PDK3: variants seen among roughly 807,000 people sequenced by gnomAD.
The protein encoded by PDK3 is pyruvate dehydrogenase kinase 3.
A neutral mutation model predicts 32.0 loss-of-function variants in PDK3; 12 were observed. The observed-to-expected ratio is 0.37, with a 90% CI of 0.24 to 0.61. The LOEUF is 0.61. Among genes scored for constraint, PDK3 ranks in the 20% least tolerant of loss-of-function variants. The probability of loss-of-function intolerance (pLI) is 0.65; values close to 1 mark genes in which losing one functional copy is unlikely to be tolerated. For synonymous variants in PDK3, 122 were observed against 116.3 expected, an observed-to-expected ratio of 1.05 and a Z score of -0.31; for missense variants, 188 against 316.9, an observed-to-expected ratio of 0.59 and a Z score of 3.09.
chrX:24,496,256 A>G (rs887396710), intron 2 of PDK3, among the ~76,000 whole-genome samples: 41 of 106,453 alleles, frequency 3.9e-4, no homozygotes, highest in Non-Finnish European at 6.8e-4. Flanking sequence ...ACGTTCTACC[A>G]TTGTCATTCA....
chrX:24,500,894 T>A (rs989325154), intron 3 of PDK3, among the ~76,000 whole-genome samples: 21 of 111,785 alleles, frequency 1.9e-4, no homozygotes, highest in African/African-American at 6.2e-4. Flanking sequence ...TCAGATAAGT[T>A]GAGGCACTTC....
intron 1 of PDK3, among the ~76,000 whole-genome samples, chrX:24,487,767 A>G (rs1307558707): frequency 9.1e-6 from 1 of 109,951 alleles, no homozygotes; most frequent in Non-Finnish European, 1.9e-5. Flanking sequence ...ACCCCCACCA[A>G]CTGCTAAAGC....
At position 24,465,506 on chromosome X, in the gene PDK3, G is replaced by C. The variant is rs371137355; in HGVS notation, c.51G>C (p.Glu17Asp). ...AGCAGCCGGTGCCCAAGCAGATCGA[G>C]CGCTACTCGCGCTTTTCGCCGTCGC... ...LLKQPVPKQI[E>D]RYSRFSPSPL... The change falls in exon 1 of 11, where the codon GAG becomes GAC. Residue 17 changes from glutamate (E) to aspartate (D), a missense_variant. Transcript: ENST00000379162. 4.5e-4 allele frequency: 544 copies of C among 1,208,786 alleles called. 4 individuals carry two copies. In the South Asian group the frequency reaches 9.1e-3, roughly 20 times the overall value.
chrX:24,547,725 A>G (rs1395530618), exon 12 of PDK3: 2 of 112,812 alleles, frequency 1.8e-5, no homozygotes, highest in Non-Finnish European at 3.7e-5. Flanking sequence ...AAAGCAAAGA[A>G]TTACAATTGT....
At chrX:24,467,916 G>A (rs780368650) in intron 1 of PDK3, among the ~76,000 whole-genome samples, 9 of 111,675 alleles carry the variant, frequency 8.1e-5, no homozygotes, top group African/African-American at 2.9e-4. Flanking sequence ...AGCTCCAAAG[G>A]GGCAGCTGAT....
intron 1 of PDK3, among the ~76,000 whole-genome samples, chrX:24,486,210 C>A (rs999377156): frequency 1.2e-4 from 13 of 111,153 alleles, no homozygotes; most frequent in Non-Finnish European, 2.5e-4. Flanking sequence ...TCATAAAAGG[C>A]CATGCGGCTG....
At chrX:24,527,988 CTA>C in intron 8 of PDK3, 86 bp from the exon 9 acceptor site, 5 of 533,515 alleles carry the variant, frequency 9.4e-6, no homozygotes, top group Non-Finnish European at 1.7e-5. Context: ...GAGTAATCTG[CTA>C]TGTACTTTAT....
chrX:24,508,864 C>T (rs1922050554), intron 5 of PDK3, among the ~76,000 whole-genome samples: 1 of 111,325 alleles, frequency 9.0e-6, no homozygotes, highest in Non-Finnish European at 1.9e-5. Flanking sequence ...AGGCACCCAC[C>T]ATCATGCCCG....
chrX:24,520,334 C>T (rs1044853969), intron 6 of PDK3, among the ~76,000 whole-genome samples: 2 of 111,931 alleles, frequency 1.8e-5, no homozygotes, highest in Non-Finnish European at 3.8e-5. Flanking sequence ...GTGGTACACC[C>T]ATTAGATAGA....
chrX:24,498,370 C>T (rs1921768906), intron 2 of PDK3, among the ~76,000 whole-genome samples: 1 of 111,686 alleles, frequency 9.0e-6, no homozygotes, highest in African/African-American at 3.3e-5. Context: ...GCTTCATTTT[C>T]AGACTGGATT....
intron 9 of PDK3, 85 bp from the exon 10 acceptor site, chrX:24,531,572 A>G: frequency 1.9e-6 from 1 of 525,039 alleles, no homozygotes; most frequent in Non-Finnish European, 3.3e-6. Flanking sequence ...TCAAGAATTT[A>G]TTTTAACCTT....
chrX:24,544,286 A>C (rs1458268134), exon 12 of PDK3, among the ~76,000 whole-genome samples: 2 of 111,032 alleles, frequency 1.8e-5, no homozygotes, highest in African/African-American at 6.6e-5. Flanking sequence ...GCATTTCCCC[A>C]TTCCCACTAG....
At chrX:24,498,354 G>T (rs1385846531) in intron 2 of PDK3, among the ~76,000 whole-genome samples, 2 of 111,669 alleles carry the variant, frequency 1.8e-5, no homozygotes, top group Non-Finnish European at 3.8e-5. Context: ...GCTTTCGATG[G>T]TGCTGGCTTC....
chrX:24,489,458 G>T (rs1921491830), intron 1 of PDK3, among the ~76,000 whole-genome samples: 1 of 110,944 alleles, frequency 9.0e-6, no homozygotes, highest in African/African-American at 3.3e-5. Context: ...GCTGAGGCGG[G>T]CAGGTCACTT....
At chrX:24,543,004 A>G (rs778755556) in exon 12 of PDK3, among the ~76,000 whole-genome samples, 1 of 111,893 alleles carries the variant, frequency 8.9e-6, no homozygotes, top group African/African-American at 3.2e-5. Flanking sequence ...GGTGGTGCTG[A>G]CAGGTCTGAG....
At chrX:24,532,520 G>T (rs2078299295) in intron 10 of PDK3, among the ~76,000 whole-genome samples, 1 of 111,414 alleles carries the variant, frequency 9.0e-6, no homozygotes, top group Non-Finnish European at 1.9e-5. Context: ...TTATTCATTG[G>T]TGATCATTGG....
At chrX:24,520,305 A>G (rs1197367148) in intron 6 of PDK3, among the ~76,000 whole-genome samples, 1 of 112,406 alleles carries the variant, frequency 8.9e-6, no homozygotes, top group Admixed American at 9.4e-5. Context: ...TCCACAATAG[A>G]GCATTGTTTA....
exon 12 of PDK3, chrX:24,539,647 G>A (rs1922847626): frequency 8.9e-6 from 1 of 112,653 alleles, no homozygotes; most frequent in South Asian, 3.7e-4. Context: ...TAGTCCCAGA[G>A]CCCTCCGTCT....
chrX:24,517,440 C>G (rs1405667767), intron 5 of PDK3, among the ~76,000 whole-genome samples: 4 of 111,644 alleles, frequency 3.6e-5, no homozygotes, highest in African/African-American at 1.3e-4. Flanking sequence ...CCTGGCTGGT[C>G]TTGAACTCCT....
Sources: allele counts gnomAD v4.1 joint callset (sites outside exome capture counted in the v4.1 genomes callset), GRCh38; gene constraint gnomAD v4.1.1; transcripts MANE v1.5; gene names NCBI Gene and HGNC (gene_info 2026-07-23, HGNC 2026-07-21).